The following METTL2B variants were observed in gnomAD, a reference collection of about 807,000 sequenced individuals.
METTL2B encodes methyltransferase 2B, tRNA N3-cytidine, also known as tRNA N(3)-cytidine methyltransferase METTL2B.
Under a neutral mutation model 51.0 loss-of-function variants are expected in METTL2B, and 28 were observed. The observed-to-expected ratio is 0.55, with a 90% confidence interval of 0.41 to 0.75. METTL2B has a LOEUF of 0.75. METTL2B is among the 30% of genes least tolerant of loss of function. METTL2B has a pLI of 0.00. For missense variants in METTL2B, 313 were observed against 460.7 expected (o/e 0.68, Z 2.93); for synonymous variants, 128 against 166.3 (o/e 0.77, Z 1.77).
chr7:128,481,793 C>T (rs1799875901), intron 4 of METTL2B, among the ~76,000 whole-genome samples: 1 of 152,184 alleles, frequency 6.6e-6, no homozygotes, highest in Admixed American at 6.5e-5. Context: ...CAGACACATG[C>T]CACCATACCC....
chr7:128,484,884 A>T (rs1792671955), intron 4 of METTL2B, among the ~76,000 whole-genome samples: 1 of 152,124 alleles, frequency 6.6e-6, no homozygotes, highest in Non-Finnish European at 1.5e-5. Flanking sequence ...CCCGGCTGTA[A>T]TACAGTGGTT....
chr7:128,485,918 T>C (rs1199254454), intron 4 of METTL2B, among the ~76,000 whole-genome samples: 1 of 152,206 alleles, frequency 6.6e-6, no homozygotes, highest in Admixed American at 6.5e-5. Context: ...GTGGGTTGTA[T>C]GCAAATGCTA....
At position 128,476,804 on chromosome 7, in the gene METTL2B, C is replaced by G. The variant is rs1799804961; in HGVS notation, c.39C>G (p.Leu13=). 2 of 1,614,200 alleles carry G rather than the reference C, an allele frequency of 1.2e-6. No homozygotes were observed. Among genetic ancestry groups the G allele is most frequent in the South Asian group, 2.2e-5 (2 of 91,076 alleles). Residue 13 remains leucine, a synonymous_variant, in exon 1 of 9, where the codon CTC becomes CTG. Coordinates refer to ENST00000262432, the MANE Select transcript of METTL2B (RefSeq NM_018396.3). ...GSYPEGAPAI[L]ADKRQQFGSR... ...ACCCTGAAGGTGCACCTGCAATCCT[C>G]GCCGATAAGAGGCAGCAGTTCGGAA...
At position 128,479,956 on chromosome 7, in the gene METTL2B, G is replaced by T. The variant is rs1419514563; in HGVS notation, c.558+443G>T. 3.3e-5 allele frequency among the ~76,000 whole-genome samples: 5 copies of T among 152,168 alleles called. 1 individual carries two copies. Among genetic ancestry groups the T allele is most frequent in the Admixed American group, 3.3e-4 (5 of 15,270 alleles). On this transcript the variant is annotated intron_variant, in intron 3 of 8. Coordinates refer to ENST00000262432, the MANE Select transcript of METTL2B (RefSeq NM_018396.3). ...AGGCCTGGGATAATTCTCTTCCTCT[G>T]CATTTGGATGGTGTTGCAGAGTCTA...
At chr7:128,486,160 G>C (rs879881177) in intron 4 of METTL2B, among the ~76,000 whole-genome samples, 3 of 152,042 alleles carry the variant, frequency 2.0e-5, no homozygotes, top group African/African-American at 4.8e-5. Flanking sequence ...CAGGCGTGGT[G>C]GTGGGTGCCT....
intron 5 of METTL2B, among the ~76,000 whole-genome samples, chr7:128,491,950 A>G (rs1418126472): frequency 1.3e-5 from 2 of 152,094 alleles, no homozygotes; most frequent in African/African-American, 4.8e-5. Flanking sequence ...GATTTTCCTG[A>G]AGAATTCTAT....
chr7:128,492,694 G>T (rs1222865137), intron 5 of METTL2B, among the ~76,000 whole-genome samples: 1 of 151,794 alleles, frequency 6.6e-6, no homozygotes, highest in Non-Finnish European at 1.5e-5. Flanking sequence ...TCGGCTCACT[G>T]CAAGCTCCGC....
chr7:128,504,714 A>C lies in METTL2B; in HGVS notation c.*2798A>C, dbSNP rs1400695368. The C allele has an allele frequency of 6.6e-6, 1 of 150,858 alleles. No individual in the cohort carries two copies. The highest frequency in any genetic ancestry group is 1.5e-5 in the Non-Finnish European group (1 of 67,696). 9.3% of individuals were successfully genotyped at this position (150,858 alleles called of 1,614,324 possible). ...GCCGGGTGCAGTGGCTCACGCCTGT[A>C]ATCCCAGCACTTTGGGAGGCCGAGG... On this transcript the variant is annotated 3_prime_UTR_variant, in exon 9 of 9. Coordinates refer to ENST00000262432, the MANE Select transcript of METTL2B (RefSeq NM_018396.3).
chr7:128,498,263 T>C, intron 7 of METTL2B, 121 bp downstream of exon 7: 1 of 1,160,842 alleles, frequency 8.6e-7, no homozygotes, highest in Non-Finnish European at 1.2e-6. Context: ...AACACCATAT[T>C]TTCTCACTCA....
chr7:128,489,417 C>A (rs1792782662), intron 5 of METTL2B, among the ~76,000 whole-genome samples: 1 of 143,042 alleles, frequency 7.0e-6, no homozygotes, highest in Non-Finnish European at 1.5e-5. Context: ...GTCTGGGTGA[C>A]AGAGTGAGAC....
chr7:128,490,324 A>ATTTT (rs1792805709), intron 5 of METTL2B, among the ~76,000 whole-genome samples: 2 of 93,274 alleles, frequency 2.1e-5, no homozygotes, highest in Non-Finnish European at 4.3e-5. Context: ...TTCAGGCTTC[A>ATTTT]CTTTTTTTTT....
In METTL2B at chr7:128,476,813, G is replaced by A; in HGVS notation, c.48G>A (p.Lys16=). ...PEGAPAILAD[K]RQQFGSRFLS... is the part of the protein sequence containing the mutation. ...GTGCACCTGCAATCCTCGCCGATAA[G>A]AGGCAGCAGTTCGGAAGCCGGTTCC... Residue 16 remains lysine, a synonymous_variant, in exon 1 of 9, where the codon AAG becomes AAA. Coordinates refer to ENST00000262432, the MANE Select transcript of METTL2B (RefSeq NM_018396.3). 6.2e-7 allele frequency: 1 copy of A among 1,614,196 alleles called. No individual in the cohort carries two copies. Among genetic ancestry groups the A allele is most frequent in the Non-Finnish European group, 8.5e-7 (1 of 1,180,032 alleles).
At chr7:128,497,636 C>A (rs551302826) in intron 6 of METTL2B, among the ~76,000 whole-genome samples, 2 of 152,324 alleles carry the variant, frequency 1.3e-5, no homozygotes, top group South Asian at 4.1e-4. Flanking sequence ...ACGCATGCCA[C>A]CACGCCTGGC....
At chr7:128,488,384 C>CGT (rs1792758852) in intron 5 of METTL2B, 1 of 729,518 alleles carries the variant, frequency 1.4e-6, no homozygotes, top group African/African-American at 1.7e-5. Context: ...TGTGGCAACC[C>CGT]TGCATCAAGC....
chr7:128,489,849 C>G (rs1191153191), intron 5 of METTL2B, among the ~76,000 whole-genome samples: 3 of 151,694 alleles, frequency 2.0e-5, no homozygotes, highest in Admixed American at 2.0e-4. Context: ...GGGATGGTCT[C>G]GATCTCCTGA....
chr7:128,492,907 C>T (rs973136422), intron 5 of METTL2B, among the ~76,000 whole-genome samples: 16 of 151,814 alleles, frequency 1.1e-4, no homozygotes, highest in African/African-American at 3.9e-4. Context: ...TGAGCCACTG[C>T]GTGCTTATTT....
rs764446464 is a variant in METTL2B at position 128,477,087 on chromosome 7, A to G, written c.116A>G (p.Asn39Ser). 24 of 1,614,030 alleles carry G rather than the reference A, an allele frequency of 1.5e-5. No homozygotes were observed. The East Asian group carries it at 2.2e-4, about 15-fold the overall frequency. Residue 39 changes from asparagine to serine, a missense_variant, in exon 2 of 9, where the codon AAT becomes AGT. Asn to Ser is a conservative substitution (Grantham distance 46). Around this residue, in one of 4 missense-constraint regions of METTL2B, gnomAD observed 66 missense variants for 58.2 expected, o/e 1.13. Transcript: ENST00000262432. ...TGCCCGTTTGATTTTCTCAGGGACA[A>G]TGTGGAGTGGTCGGAAGAGCAAGCC... ...ARVFHHNAWD[N>S]VEWSEEQAAA...
At chr7:128,501,180 T>C (rs1793022588) in intron 8 of METTL2B, 1 of 985,326 alleles carries the variant, frequency 1.0e-6, no homozygotes, top group South Asian at 4.7e-5. Context: ...GTCCATGCCT[T>C]CAGTCCTGCT....
chr7:128,476,761 G>T lies in METTL2B; in HGVS notation c.-5G>T, dbSNP rs1799803853. Reference sequence around the variant, plus strand: ...GGAAAGTGAAGTGTTTCCGGCTCCGGTGTCATGGCCGGCTCCTACCCTGAA... The same window carrying T: ...GGAAAGTGAAGTGTTTCCGGCTCCGTTGTCATGGCCGGCTCCTACCCTGAA... On this transcript the variant is annotated 5_prime_UTR_variant, in exon 1 of 9. Transcript: ENST00000262432. The T allele has an allele frequency of 1.9e-6, 3 of 1,613,674 alleles. No homozygotes were observed. The highest frequency in any genetic ancestry group is 4.5e-5 in the East Asian group (2 of 44,868).
Sources: gnomAD v4.1 joint callset for allele counts (sites outside exome capture counted in the v4.1 genomes callset) on GRCh38, gnomAD v4.1.1 for gene constraint, gnomAD v4.1.1 regional missense constraint, MANE v1.5 for transcripts, NCBI Gene and HGNC (gene_info 2026-07-23, HGNC 2026-07-21) for gene names.